The following CYP39A1 variants were observed in gnomAD, a reference collection of about 807,000 sequenced individuals.
The protein encoded by CYP39A1 is 24-hydroxycholesterol 7-alpha-hydroxylase.
In CYP39A1, 49 loss-of-function variants were observed where a neutral mutation model predicts 58.1. The observed-to-expected ratio is 0.84, with a 90% CI of 0.67 to 1.07. The LOEUF is 1.07. CYP39A1 is among the 50% of genes least tolerant of loss of function. The pLI is 0.00. For synonymous variants in CYP39A1, 209 were observed against 187.6 expected (o/e 1.11, Z -0.93); for missense variants, 531 against 539.4 (o/e 0.98, Z 0.16).
In CYP39A1 at chr6:46,569,534, A is replaced by T. The variant is rs565981444; in HGVS notation, c.1251-15680T>A. ...TCATATATGGCCTTTATTATGTTGA[A>T]GTACTTTCCTTCTATACTCGATTTG... On this transcript the variant is annotated intron_variant, in intron 10 of 11. Transcript: ENST00000275016. Among the ~76,000 whole-genome samples the T allele has an allele frequency of 7.9e-5, 12 of 152,146 alleles. No individual in the cohort carries two copies. In the South Asian group the frequency reaches 2.3e-3, roughly 29 times the overall value.
At chr6:46,652,328 A>G in intron 1 of CYP39A1, 78 bp downstream of exon 1, 1 of 1,401,016 alleles carries the variant, frequency 7.1e-7, no homozygotes, top group East Asian at 2.3e-5. Context: ...CTAGCCCTGC[A>G]CTTAAGAGTC....
chr6:46,628,741 A>G (rs1367761660), intron 6 of CYP39A1, among the ~76,000 whole-genome samples: 1 of 152,196 alleles, frequency 6.6e-6, no homozygotes, highest in East Asian at 1.9e-4. Context: ...CTCAGCAGCA[A>G]TAAAGGTCAC....
At chr6:46,630,899 G>T in intron 6 of CYP39A1, 64 bp downstream of exon 6, 1 of 1,178,258 alleles carries the variant, frequency 8.5e-7, no homozygotes, top group Non-Finnish European at 1.2e-6. Flanking sequence ...AGACAGAAAT[G>T]AAGGAAAAAA....
At chr6:46,635,655 T>G (rs920883375) in intron 5 of CYP39A1, among the ~76,000 whole-genome samples, 1 of 152,108 alleles carries the variant, frequency 6.6e-6, no homozygotes, top group African/African-American at 2.4e-5. Context: ...CAGGCTCAAG[T>G]GTGATCCTCC....
intron 10 of CYP39A1, among the ~76,000 whole-genome samples, chr6:46,585,360 T>TAGAC (rs902013980): frequency 4.1e-5 from 6 of 145,222 alleles, no homozygotes; most frequent in East Asian, 4.0e-4. Context: ...GATAGATAGA[T>TAGAC]AGACAGACAG....
chr6:46,592,713 T>G (rs1772912624), intron 8 of CYP39A1, among the ~76,000 whole-genome samples: 1 of 152,166 alleles, frequency 6.6e-6, no homozygotes, highest in South Asian at 2.1e-4. Flanking sequence ...CCCAGCACTT[T>G]GGGAGGCCAA....
intron 10 of CYP39A1, among the ~76,000 whole-genome samples, chr6:46,569,393 A>C (rs1771464759): frequency 6.6e-6 from 1 of 152,054 alleles, no homozygotes; most frequent in Non-Finnish European, 1.5e-5. Flanking sequence ...CTCTGGCTAC[A>C]ACTTCCAGTA....
intron 4 of CYP39A1, among the ~76,000 whole-genome samples, chr6:46,637,604 C>T (rs752905666): frequency 1.2e-4 from 18 of 152,292 alleles, no homozygotes; most frequent in Admixed American, 4.6e-4. Flanking sequence ...TTAATCCCAT[C>T]GATCTCTTTC....
chr6:46,628,814 C>T (rs1473314862), intron 6 of CYP39A1, among the ~76,000 whole-genome samples: 2 of 152,124 alleles, frequency 1.3e-5, no homozygotes, highest in Admixed American at 6.5e-5. Flanking sequence ...TATTTGGAAG[C>T]CTATGTTCAG....
At chr6:46,636,614 T>A in intron 4 of CYP39A1, 132 bp from the exon 5 acceptor site, 1 of 634,182 alleles carries the variant, frequency 1.6e-6, no homozygotes, top group East Asian at 2.9e-5. Context: ...CAGGTATAAT[T>A]TCATGGAAGG....
intron 4 of CYP39A1, among the ~76,000 whole-genome samples, chr6:46,636,887 A>G (rs1468356838): frequency 6.6e-6 from 1 of 152,162 alleles, no homozygotes; most frequent in Non-Finnish European, 1.5e-5. Flanking sequence ...AACAGTCACC[A>G]TTGTAGATGA....
intron 10 of CYP39A1, among the ~76,000 whole-genome samples, chr6:46,582,829 A>C (rs929822254): frequency 6.6e-6 from 1 of 152,150 alleles, no homozygotes; most frequent in South Asian, 2.1e-4. Context: ...AAGGGGCTTC[A>C]TCTGATTTGT....
At chr6:46,646,657 G>A (rs1344180925) in intron 1 of CYP39A1, among the ~76,000 whole-genome samples, 4 of 151,846 alleles carry the variant, frequency 2.6e-5, no homozygotes, top group African/African-American at 4.8e-5. Flanking sequence ...TTAAACATTT[G>A]GTATAGTTTT....
intron 5 of CYP39A1, among the ~76,000 whole-genome samples, chr6:46,632,062 C>T (rs527299148): frequency 3.9e-5 from 6 of 152,282 alleles, no homozygotes; most frequent in African/African-American, 1.4e-4. Flanking sequence ...TAACCCATTT[C>T]ACTCCTCACT....
intron 2 of CYP39A1, 95 bp from the exon 3 acceptor site, chr6:46,639,763 A>G (rs982248850): frequency 3.0e-6 from 3 of 1,015,330 alleles, no homozygotes; most frequent in East Asian, 2.6e-5. Context: ...CAGGGACTAC[A>G]GCCAAAGTCC....
intron 10 of CYP39A1, among the ~76,000 whole-genome samples, chr6:46,559,094 A>T (rs1770828424): frequency 7.1e-6 from 1 of 140,562 alleles, no homozygotes; most frequent in Non-Finnish European, 1.5e-5. Flanking sequence ...TTCAGTAGAA[A>T]ATTTAAAAGA....
At chr6:46,604,987 A>G (rs1321357838) in intron 7 of CYP39A1, among the ~76,000 whole-genome samples, 1 of 151,850 alleles carries the variant, frequency 6.6e-6, no homozygotes, top group East Asian at 1.9e-4. Flanking sequence ...ACTAACACTA[A>G]CAATAGCTGA....
At chr6:46,570,590 G>C (rs1771532235) in intron 10 of CYP39A1, among the ~76,000 whole-genome samples, 2 of 152,122 alleles carry the variant, frequency 1.3e-5, no homozygotes, top group Admixed American at 6.6e-5. Flanking sequence ...AAGAAAAGAG[G>C]CTTATTTGGC....
At chr6:46,628,056 T>C (rs774049717) in intron 6 of CYP39A1, among the ~76,000 whole-genome samples, 1 of 152,100 alleles carries the variant, frequency 6.6e-6, no homozygotes, top group African/African-American at 2.4e-5. Context: ...TAAGAACAAA[T>C]GAGAGAAAGG....
Sources: gnomAD v4.1 joint callset for allele counts (sites outside exome capture counted in the v4.1 genomes callset) on GRCh38, gnomAD v4.1.1 for gene constraint, MANE v1.5 for transcripts, NCBI Gene and HGNC (gene_info 2026-07-23, HGNC 2026-07-21) for gene names.